Variants in CD9 observed in about 807,000 individuals in gnomAD.
CD9 encodes CD9 antigen.
Under a neutral mutation model 31.4 loss-of-function variants are expected in CD9, and 10 were observed. That is an observed-to-expected ratio of 0.32 (90% CI 0.20 to 0.54). The LOEUF (loss-of-function observed/expected upper bound fraction) is 0.54. Among genes scored for constraint, CD9 ranks in the 20% least tolerant of loss-of-function variants. The pLI is 0.94. For missense variants in CD9, 259 were observed against 300.1 expected, an observed-to-expected ratio of 0.86 and a Z score of 1.01; for synonymous variants, 113 against 114.1, an observed-to-expected ratio of 0.99 and a Z score of 0.06.
intron 2 of CD9, among the ~76,000 whole-genome samples, chr12:6,229,734 G>T (rs1454842820): frequency 6.6e-6 from 1 of 152,040 alleles, no homozygotes; most frequent in Non-Finnish European, 1.5e-5. Context: ...GCTAAACTGA[G>T]AGCCCTGGTG....
At chr12:6,212,467 G>A (rs1287299114) in intron 1 of CD9, among the ~76,000 whole-genome samples, 2 of 152,276 alleles carry the variant, frequency 1.3e-5, no homozygotes, top group African/African-American at 4.8e-5. Flanking sequence ...GGCCAGGCTC[G>A]AACATTTACA....
intron 1 of CD9, among the ~76,000 whole-genome samples, chr12:6,220,749 T>G (rs980657195): frequency 6.6e-6 from 1 of 152,188 alleles, no homozygotes; most frequent in Non-Finnish European, 1.5e-5. Flanking sequence ...TAATTTTAGA[T>G]CTACAGAAAA....
chr12:6,236,684 CAGA>C lies in CD9; in HGVS notation c.621+412_621+414del, dbSNP rs1031203560. The C allele has an allele frequency of 1.0e-4, 41 of 406,252 alleles. No individual in the cohort carries two copies. The East Asian group carries it at 1.3e-3, about 13-fold the overall frequency. The allele number at this position is 406,252 out of a possible 1,614,324, so 25.2% of individuals were successfully genotyped here. On this transcript the variant is annotated intron_variant, in intron 7 of 7. Transcript: ENST00000009180. ...TGAAGTGCATCTGAACATGGGCAGC[CAGA>C]AGGAGGTCTCTCGCTAATCAGCCCC...
chr12:6,234,871 G>A (rs1946494847), intron 4 of CD9, among the ~76,000 whole-genome samples: 1 of 152,238 alleles, frequency 6.6e-6, no homozygotes, highest in Non-Finnish European at 1.5e-5. Context: ...CAAGATGGAA[G>A]CCTGAGAAAA....
chr12:6,235,289 G>A lies in CD9; in HGVS notation c.409G>A (p.Glu137Lys). ...CTACAACAAGCTGAAAACCAAGGATGAGCCCCAGCGGGAAACGCTGAAAGC... is the reference window on the plus strand; with the variant it reads ...CTACAACAAGCTGAAAACCAAGGATAAGCCCCAGCGGGAAACGCTGAAAGC... Reference protein sequence around the residue: ...DTYNKLKTKDEPQRETLKAIH... With the variant: ...DTYNKLKTKDKPQRETLKAIH... The change falls in exon 5 of 8, where the codon GAG becomes AAG. Residue 137 changes from glutamate (E) to lysine (K), a missense_variant. Transcript: ENST00000009180. 2 of 1,613,984 alleles carry A rather than the reference G, an allele frequency of 1.2e-6. No homozygotes were observed. Among genetic ancestry groups the A allele is most frequent in the Non-Finnish European group, 1.7e-6 (2 of 1,179,790 alleles).
intron 1 of CD9, among the ~76,000 whole-genome samples, chr12:6,213,174 C>G (rs1946209942): frequency 6.6e-6 from 1 of 152,220 alleles, no homozygotes; most frequent in Non-Finnish European, 1.5e-5. Context: ...GCTGCTGTTG[C>G]TGTAGTTGCT....
At position 6,237,777 on chromosome 12, in the gene CD9, C is replaced by G. The variant is rs913329230; in HGVS notation, c.636C>G (p.Ile212Met). 2 of 1,612,962 alleles carry G rather than the reference C, an allele frequency of 1.2e-6. No homozygotes were observed. Among genetic ancestry groups the G allele is most frequent in the Admixed American group, 1.7e-5 (1 of 59,992 alleles). Residue 212 changes from isoleucine (I) to methionine (M), a missense_variant, in exon 8 of 8, where the codon ATC becomes ATG. Ile to Met is a conservative substitution (Grantham distance 10). Coordinates refer to ENST00000009180, the MANE Select transcript of CD9 (RefSeq NM_001769.4). ...CTATCTCCTAGATATTTGGCATGAT[C>G]TTCAGTATGATCTTGTGCTGTGCTA... ...GIAVVMIFGM[I>M]FSMILCCAIR...
intron 1 of CD9, among the ~76,000 whole-genome samples, chr12:6,223,826 AC>A: frequency 6.6e-6 from 1 of 152,130 alleles, no homozygotes; most frequent in Non-Finnish European, 1.5e-5. Context: ...CTTCTCCCCA[AC>A]CAAACAGTGA....
intron 1 of CD9, among the ~76,000 whole-genome samples, chr12:6,206,426 G>C (rs1353675237): frequency 6.6e-6 from 1 of 152,088 alleles, no homozygotes; most frequent in Non-Finnish European, 1.5e-5. Context: ...ATCTCACTAT[G>C]TTGCCCAGGC....
At chr12:6,236,701 C>A in intron 7 of CD9, 1 of 392,228 alleles carries the variant, frequency 2.5e-6, no homozygotes, top group Non-Finnish European at 4.5e-6. Context: ...AGGTCTCTCG[C>A]TAATCAGCCC....
intron 1 of CD9, among the ~76,000 whole-genome samples, chr12:6,207,080 C>T (rs1292919130): frequency 6.6e-6 from 1 of 152,098 alleles, no homozygotes; most frequent in Non-Finnish European, 1.5e-5. Flanking sequence ...GAGGGTCTCT[C>T]TATGTCGCCC....
chr12:6,218,239 A>AC (rs1483365062), intron 1 of CD9, among the ~76,000 whole-genome samples: 1 of 151,596 alleles, frequency 6.6e-6, no homozygotes, highest in Non-Finnish European at 1.5e-5. Context: ...AAAAAAAAAA[A>AC]GTGTATGGCC....
At chr12:6,203,063 A>C (rs1946093772) in intron 1 of CD9, among the ~76,000 whole-genome samples, 1 of 152,190 alleles carries the variant, frequency 6.6e-6, no homozygotes, top group South Asian at 2.1e-4. Flanking sequence ...TGGTCGGTCC[A>C]CTTGTGCAGA....
intron 1 of CD9, among the ~76,000 whole-genome samples, chr12:6,212,352 G>C (rs1946202185): frequency 6.6e-6 from 1 of 152,210 alleles, no homozygotes; most frequent in African/African-American, 2.4e-5. Flanking sequence ...GCAGGGCCTT[G>C]TAGTGTAATT....
chr12:6,234,300 A>T (rs951863766), intron 4 of CD9: 5 of 152,034 alleles, frequency 3.3e-5, no homozygotes, highest in African/African-American at 9.7e-5. Context: ...AGGAAGAGAG[A>T]TGCTGAGATG....
In CD9 at chr12:6,235,467, T is replaced by TC; in HGVS notation, c.448-8dup. The TC allele has an allele frequency of 6.2e-7, 1 of 1,613,894 alleles. No homozygotes were observed. The highest frequency in any genetic ancestry group is 8.5e-7 in the Non-Finnish European group (1 of 1,179,728). ...TTCTCTCATCCCCATCCCTGCCTTC[T>TC]CGCTGTAGTTGAACTGCTGTGGTTT... On this transcript the variant is annotated splice_polypyrimidine_tract_variant and intron_variant, in intron 5 of 7. Transcript: ENST00000009180.
chr12:6,217,535 A>G (rs568994103), intron 1 of CD9, among the ~76,000 whole-genome samples: 1 of 152,260 alleles, frequency 6.6e-6, no homozygotes, highest in South Asian at 2.1e-4. Flanking sequence ...GTCTCAAAAA[A>G]ACAAGTATTT....
At chr12:6,207,932 G>A (rs910214499) in intron 1 of CD9, among the ~76,000 whole-genome samples, 1 of 152,164 alleles carries the variant, frequency 6.6e-6, no homozygotes, top group African/African-American at 2.4e-5. Flanking sequence ...TGCTAGAAAA[G>A]TAACCCTTCA....
rs1004025117 is a variant in CD9 at position 6,214,106 on chromosome 12, C to T, written c.67-11320C>T. Reference sequence around the variant, plus strand: ...TTGAGTCGTCTATGTGGAGCTGGTTCCATCTGAGCTCTGCCTCTTCCTGGC... The same window carrying T: ...TTGAGTCGTCTATGTGGAGCTGGTTTCATCTGAGCTCTGCCTCTTCCTGGC... On this transcript the variant is annotated intron_variant, in intron 1 of 7. Transcript: ENST00000009180. 9.9e-5 allele frequency among the ~76,000 whole-genome samples: 15 copies of T among 152,242 alleles called. No individual in the cohort carries two copies. The South Asian group carries it at 2.5e-3, about 25-fold the overall frequency.
Sources: allele counts gnomAD v4.1 joint callset (sites outside exome capture counted in the v4.1 genomes callset), GRCh38; gene constraint gnomAD v4.1.1; transcripts MANE v1.5; gene names NCBI Gene and HGNC (gene_info 2026-07-23, HGNC 2026-07-21).